EPHA6: variants seen among roughly 807,000 people sequenced by gnomAD.
EPHA6 encodes ephrin type-A receptor 6.
Under a neutral mutation model 112.0 loss-of-function variants are expected in EPHA6, and 50 were observed. The ratio of observed to expected loss-of-function variants is 0.45; its 90% CI spans 0.36 to 0.56. The LOEUF is 0.56. EPHA6 is among the 20% of genes least tolerant of loss of function. The probability of loss-of-function intolerance (pLI) is 0.00; values close to 1 mark genes in which losing one functional copy is unlikely to be tolerated. For synonymous variants in EPHA6, 529 were observed against 490.7 expected (o/e 1.08, Z -1.03); for missense variants, 1,280 against 1,417.4 (o/e 0.90, Z 1.56).
intron 5 of EPHA6, among the ~76,000 whole-genome samples, chr3:97,358,926 A>T (rs1193943995): frequency 6.6e-6 from 1 of 151,944 alleles, no homozygotes; most frequent in Non-Finnish European, 1.5e-5. Context: ...TCATAATCTT[A>T]TTGAGAATAA....
intron 6 of EPHA6, among the ~76,000 whole-genome samples, chr3:97,414,925 T>G (rs1005834742): frequency 2.0e-5 from 3 of 152,054 alleles, no homozygotes; most frequent in Non-Finnish European, 4.4e-5. Flanking sequence ...TTCAATTATT[T>G]AGAGAGGACT....
intron 7 of EPHA6, among the ~76,000 whole-genome samples, chr3:97,450,679 C>T (rs1415582641): frequency 6.6e-6 from 1 of 151,980 alleles, no homozygotes; most frequent in African/African-American, 2.4e-5. Context: ...GTTTTGTACT[C>T]ACAAGTAACT....
intron 14 of EPHA6, among the ~76,000 whole-genome samples, chr3:97,657,142 G>A (rs1396085503): frequency 6.6e-6 from 1 of 151,674 alleles, no homozygotes; most frequent in Non-Finnish European, 1.5e-5. Flanking sequence ...TGTTTTTCCT[G>A]TATGCTATAA....
intron 5 of EPHA6, among the ~76,000 whole-genome samples, chr3:97,292,827 T>A (rs910468367): frequency 6.7e-6 from 1 of 149,312 alleles, no homozygotes; most frequent in South Asian, 2.1e-4. Context: ...AGCGTCCTGC[T>A]CTCAGCAGAG....
intron 15 of EPHA6, among the ~76,000 whole-genome samples, chr3:97,734,507 C>T (rs1479318686): frequency 1.3e-5 from 2 of 151,926 alleles, no homozygotes; most frequent in Non-Finnish European, 2.9e-5. Context: ...TCCTGACAGG[C>T]TAAAGTGGTC....
intron 3 of EPHA6, among the ~76,000 whole-genome samples, chr3:97,022,836 A>G (rs560670264): frequency 1.3e-5 from 2 of 152,334 alleles, no homozygotes; most frequent in South Asian, 4.1e-4. Flanking sequence ...GTTAAAATCC[A>G]ACAAAGACTG....
At chr3:97,001,756 A>AT (rs927136750) in intron 3 of EPHA6, among the ~76,000 whole-genome samples, 7 of 152,162 alleles carry the variant, frequency 4.6e-5, no homozygotes, top group Admixed American at 2.0e-4. Context: ...AAGTCACTGT[A>AT]TACAAGGACT....
chr3:97,568,486 G>T (rs531964979), intron 11 of EPHA6, among the ~76,000 whole-genome samples: 6 of 152,274 alleles, frequency 3.9e-5, no homozygotes, highest in Admixed American at 6.5e-5. Flanking sequence ...TCCTTTCTAG[G>T]ATCGTTTTTG....
intron 6 of EPHA6, among the ~76,000 whole-genome samples, chr3:97,416,706 C>T (rs928207192): frequency 9.2e-5 from 14 of 152,096 alleles, no homozygotes; most frequent in Non-Finnish European, 1.6e-4. Flanking sequence ...TACAGATTCA[C>T]ATTAGGAATG....
At chr3:96,816,131 A>G (rs2032763769) in intron 1 of EPHA6, among the ~76,000 whole-genome samples, 1 of 152,076 alleles carries the variant, frequency 6.6e-6, no homozygotes, top group African/African-American at 2.4e-5. Flanking sequence ...ACAACACAGC[A>G]TTCTTCTTTG....
intron 3 of EPHA6, among the ~76,000 whole-genome samples, chr3:97,098,229 T>C (rs1392120381): frequency 1.3e-5 from 2 of 151,944 alleles, no homozygotes; most frequent in South Asian, 2.1e-4. Context: ...CCAAGTCTGA[T>C]TCATGAGTGT....
chr3:97,183,244 A>C (rs1284228975), intron 3 of EPHA6, among the ~76,000 whole-genome samples: 1 of 152,132 alleles, frequency 6.6e-6, no homozygotes, highest in Non-Finnish European at 1.5e-5. Flanking sequence ...GTACTTTCCC[A>C]AATATCATCA....
intron 2 of EPHA6, among the ~76,000 whole-genome samples, chr3:96,947,385 A>G (rs1038096601): frequency 1.3e-5 from 2 of 152,152 alleles, no homozygotes; most frequent in Non-Finnish European, 2.9e-5. Flanking sequence ...ATCCAGTTTC[A>G]GCTTTCTACA....
intron 3 of EPHA6, among the ~76,000 whole-genome samples, chr3:97,168,788 C>T (rs373753855): frequency 1.3e-5 from 2 of 152,142 alleles, no homozygotes; most frequent in East Asian, 1.9e-4. Context: ...AGGTAGTTCT[C>T]TATAGCAGTG....
At chr3:96,976,414 ATGT>A (rs552913179) in intron 2 of EPHA6, among the ~76,000 whole-genome samples, 135 of 152,252 alleles carry the variant, frequency 8.9e-4, no homozygotes, top group African/African-American at 3.0e-3. Context: ...CTGCACTAAA[ATGT>A]TGTTAATTAA....
At chr3:97,566,066 C>T (rs554924619) in intron 11 of EPHA6, among the ~76,000 whole-genome samples, 21 of 150,914 alleles carry the variant, frequency 1.4e-4, no homozygotes, top group South Asian at 1.3e-3. Flanking sequence ...CACAGTTCTG[C>T]GACTGTACAA....
chr3:97,479,396 T>G, intron 9 of EPHA6, 32 bp downstream of exon 9: 1 of 1,492,264 alleles, frequency 6.7e-7, no homozygotes, highest in Non-Finnish European at 9.2e-7. Context: ...TTTCATTATT[T>G]TGTACTGTTC....
chr3:97,517,435 A>T (rs1407363706), intron 10 of EPHA6, among the ~76,000 whole-genome samples: 2 of 151,990 alleles, frequency 1.3e-5, no homozygotes, highest in Non-Finnish European at 2.9e-5. Context: ...CTATGATTAG[A>T]CGTCTGGGTT....
chr3:97,275,240 TC>T (rs1219454769), intron 5 of EPHA6, among the ~76,000 whole-genome samples: 1 of 152,090 alleles, frequency 6.6e-6, no homozygotes, highest in African/African-American at 2.4e-5. Flanking sequence ...TCAGACACGA[TC>T]AGCAGGGAGA....
Sources: gnomAD v4.1 joint callset for allele counts (sites outside exome capture counted in the v4.1 genomes callset) on GRCh38, gnomAD v4.1.1 for gene constraint, MANE v1.5 for transcripts, NCBI Gene and HGNC (gene_info 2026-07-23, HGNC 2026-07-21) for gene names.